ESRRG: variants seen among roughly 807,000 people sequenced by gnomAD.
ESRRG encodes the protein estrogen related receptor gamma.
ESRRG carries 13 observed loss-of-function variants against 44.0 expected under a neutral mutation model. That is an observed-to-expected ratio of 0.30 (90% confidence interval 0.19 to 0.47). The LOEUF (loss-of-function observed/expected upper bound fraction) is 0.47, where lower values mean the gene tolerates loss of function less well. Ranked by LOEUF, ESRRG falls within the 20% of genes least tolerant of loss-of-function variation. The probability of loss-of-function intolerance (pLI) is 1.00; values close to 1 mark genes in which losing one functional copy is unlikely to be tolerated. For missense variants in ESRRG, 395 were observed against 580.6 expected (o/e 0.68, Z 3.29); for synonymous variants, 215 against 214.6 (o/e 1.00, Z -0.02).
intron 1 of ESRRG, among the ~76,000 whole-genome samples, chr1:217,075,597 C>CCCG (rs1437100440): frequency 6.7e-6 from 1 of 149,126 alleles, no homozygotes. Context: ...TTTCCCCCCC[C>CCCG]CAACATTAAT....
chr1:216,994,219 A>G (rs902617497), intron 1 of ESRRG, among the ~76,000 whole-genome samples: 1 of 152,216 alleles, frequency 6.6e-6, no homozygotes, highest in Non-Finnish European at 1.5e-5. Flanking sequence ...ACCAGTTCAA[A>G]TTTTGTCTAG....
intron 2 of ESRRG, among the ~76,000 whole-genome samples, chr1:216,906,852 G>A (rs1178392850): frequency 6.6e-6 from 1 of 152,152 alleles, no homozygotes; most frequent in East Asian, 1.9e-4. Flanking sequence ...TACATTTAGA[G>A]ATAAAGATCA....
At chr1:217,068,946 A>T (rs550831691) in intron 1 of ESRRG, among the ~76,000 whole-genome samples, 1 of 152,330 alleles carries the variant, frequency 6.6e-6, no homozygotes, top group Admixed American at 6.5e-5. Context: ...GAAGTACCTT[A>T]GGGCCTTTGA....
chr1:216,562,853 C>T (rs1347258309), intron 5 of ESRRG, among the ~76,000 whole-genome samples: 2 of 152,060 alleles, frequency 1.3e-5, no homozygotes, highest in South Asian at 2.1e-4. Flanking sequence ...TAGTGCTTTC[C>T]TTACAAATAA....
chr1:216,577,730 G>A (rs189487607), intron 3 of ESRRG, among the ~76,000 whole-genome samples: 1 of 151,958 alleles, frequency 6.6e-6, no homozygotes, highest in Non-Finnish European at 1.5e-5. Context: ...ATATAGTAGA[G>A]TCTAATGATC....
intron 1 of ESRRG, among the ~76,000 whole-genome samples, chr1:217,104,627 G>A (rs2092564214): frequency 6.6e-6 from 1 of 152,116 alleles, no homozygotes; most frequent in South Asian, 2.1e-4. Flanking sequence ...CTTATCAGTT[G>A]ACTGGTCCCC....
intron 1 of ESRRG, chr1:217,078,337 G>A (rs945819962): frequency 2.0e-5 from 3 of 152,244 alleles, no homozygotes; most frequent in Non-Finnish European, 2.9e-5. Flanking sequence ...TAAATGTGCT[G>A]GTTGATTTGC....
chr1:216,635,312 A>G (rs1174426491), intron 3 of ESRRG, among the ~76,000 whole-genome samples: 1 of 152,208 alleles, frequency 6.6e-6, no homozygotes, highest in Non-Finnish European at 1.5e-5. Context: ...TGAGCAGGCA[A>G]GTAAAGAGCT....
intron 2 of ESRRG, among the ~76,000 whole-genome samples, chr1:216,667,089 C>A (rs1333244114): frequency 1.3e-5 from 2 of 152,226 alleles, no homozygotes; most frequent in African/African-American, 4.8e-5. Context: ...AGGTCTTATG[C>A]CAGCTGCACC....
At chr1:216,708,662 C>T (rs918110336) in intron 1 of ESRRG, among the ~76,000 whole-genome samples, 1 of 152,150 alleles carries the variant, frequency 6.6e-6, no homozygotes, top group Non-Finnish European at 1.5e-5. Context: ...GTGGTGATTC[C>T]TCGAGGATGT....
intron 3 of ESRRG, among the ~76,000 whole-genome samples, chr1:216,610,075 G>A (rs1360505424): frequency 2.0e-5 from 3 of 152,122 alleles, no homozygotes; most frequent in African/African-American, 7.2e-5. Context: ...GAGGCAGAGT[G>A]TACCATAGCA....
At position 216,871,421 on chromosome 1, in the gene ESRRG, C is replaced by A. The variant is rs577099324; in HGVS notation, c.-14+68161G>T. Among the ~76,000 whole-genome samples the A allele has an allele frequency of 3.3e-5, 5 of 152,078 alleles. 1 individual carries two copies. In the South Asian group the frequency reaches 1.0e-3, roughly 32 times the overall value. On this transcript the variant is annotated intron_variant, in intron 2 of 7. Transcript: ENST00000359162. ...AGTCTATCTTAATGAATGTTCCATG[C>A]TCCCTTGAAAAGCATGTGTATTTTC...
chr1:216,965,993 C>T (rs962576556), intron 1 of ESRRG, among the ~76,000 whole-genome samples: 1 of 152,182 alleles, frequency 6.6e-6, no homozygotes. Context: ...TGAAAGTCTG[C>T]ATTTCTAATG....
chr1:217,083,627 G>A (rs1397043961), intron 1 of ESRRG, among the ~76,000 whole-genome samples: 1 of 152,196 alleles, frequency 6.6e-6, no homozygotes, highest in Non-Finnish European at 1.5e-5. Context: ...ACATCTGCTA[G>A]TATGCACATT....
At chr1:217,024,202 C>T (rs1434333553) in intron 1 of ESRRG, among the ~76,000 whole-genome samples, 3 of 152,022 alleles carry the variant, frequency 2.0e-5, no homozygotes, top group African/African-American at 7.2e-5. Context: ...ACTAAAAATA[C>T]AAAAGATTAG....
At chr1:216,813,407 G>A (rs755076480) in intron 2 of ESRRG, among the ~76,000 whole-genome samples, 100 of 152,044 alleles carry the variant, frequency 6.6e-4, no homozygotes, top group Non-Finnish European at 1.1e-3. Flanking sequence ...CAGGAATCTC[G>A]TTATACTTGT....
chr1:216,853,031 C>T (rs1194024155), intron 2 of ESRRG, among the ~76,000 whole-genome samples: 1 of 152,150 alleles, frequency 6.6e-6, no homozygotes, highest in African/African-American at 2.4e-5. Context: ...TATTAGAACC[C>T]CTGTCCTTTA....
intron 2 of ESRRG, among the ~76,000 whole-genome samples, chr1:216,660,804 A>G (rs544017540): frequency 2.0e-5 from 3 of 152,278 alleles, no homozygotes; most frequent in African/African-American, 7.2e-5. Context: ...GGAATCTCTC[A>G]ACACCTCAAA....
chr1:216,804,991 T>C (rs2094742995), intron 2 of ESRRG: 1 of 152,220 alleles, frequency 6.6e-6, no homozygotes. Flanking sequence ...AAAACTGTTA[T>C]GTTTATTTTT....
Sources: gnomAD v4.1 joint callset for allele counts (sites outside exome capture counted in the v4.1 genomes callset) on GRCh38, gnomAD v4.1.1 for gene constraint, MANE v1.5 for transcripts, NCBI Gene and HGNC (gene_info 2026-07-23, HGNC 2026-07-21) for gene names.